Variants in EFCAB6 observed in about 807,000 individuals in gnomAD.
EFCAB6 encodes EF-hand calcium-binding domain-containing protein 6.
Under a neutral mutation model 169.8 loss-of-function variants are expected in EFCAB6, and 156 were observed. The observed-to-expected ratio is 0.92, with a 90% CI of 0.81 to 1.05. The LOEUF (loss-of-function observed/expected upper bound fraction) is 1.05. EFCAB6 is among the 50% of genes least tolerant of loss of function. The probability of loss-of-function intolerance (pLI) is 0.00; values close to 1 mark genes in which losing one functional copy is unlikely to be tolerated. For missense variants in EFCAB6, 1,800 were observed against 1,829.1 expected, an observed-to-expected ratio of 0.98 and a Z score of 0.29; for synonymous variants, 698 against 676.4, an observed-to-expected ratio of 1.03 and a Z score of -0.50.
chr22:43,800,101 G>A (rs1412671015), intron 2 of EFCAB6, among the ~76,000 whole-genome samples: 1 of 152,150 alleles, frequency 6.6e-6, no homozygotes, highest in African/African-American at 2.4e-5. Flanking sequence ...CTCAACAAAA[G>A]GAGACACCAA....
chr22:43,579,108 A>G (rs1210623436), intron 25 of EFCAB6, among the ~76,000 whole-genome samples: 5 of 149,754 alleles, frequency 3.3e-5, no homozygotes, highest in Admixed American at 3.3e-4. Context: ...GTCTACATGC[A>G]AGCATCATTC....
rs187625794 is a variant in EFCAB6 at position 43,751,582 on chromosome 22, G to A, written c.507+4184C>T. Among the ~76,000 whole-genome samples, 270 of 152,278 alleles carry A rather than the reference G, an allele frequency of 1.8e-3. 1 individual carries two copies. The highest frequency in any genetic ancestry group is 6.3e-3 in the African/African-American group (260 of 41,556). The stretch of plus-strand genomic sequence containing the variant: ...GACAGGGTGCATGAAAGACTGACGC[G>A]GTGGAGGAAGTGTGAAAGGCAGGAC... On this transcript the variant is annotated intron_variant, in intron 6 of 31. Transcript: ENST00000262726.
chr22:43,736,032 T>C (rs1444639941), intron 6 of EFCAB6, 39 bp from the exon 7 acceptor site: 4 of 1,568,222 alleles, frequency 2.6e-6, no homozygotes, highest in Non-Finnish European at 3.4e-6. Context: ...TCAAAAGATC[T>C]AGTGTTAGGA....
At chr22:43,716,377 T>C (rs1172974832) in intron 9 of EFCAB6, among the ~76,000 whole-genome samples, 1 of 152,220 alleles carries the variant, frequency 6.6e-6, no homozygotes, top group Non-Finnish European at 1.5e-5. Context: ...TGTCCATTGC[T>C]GCACCAATGC....
intron 17 of EFCAB6, among the ~76,000 whole-genome samples, chr22:43,639,571 G>A (rs1354792751): frequency 6.6e-6 from 1 of 152,074 alleles, no homozygotes; most frequent in Non-Finnish European, 1.5e-5. Context: ...TTCTCATGCT[G>A]CTTTTAAGAT....
intron 12 of EFCAB6, 61 bp downstream of exon 12, chr22:43,683,686 T>C: frequency 8.2e-7 from 1 of 1,217,380 alleles, no homozygotes; most frequent in Non-Finnish European, 1.2e-6. Flanking sequence ...GGTCTTGTTC[T>C]GAGTGTTTGC....
chr22:43,697,306 G>A (rs970621925), intron 10 of EFCAB6, among the ~76,000 whole-genome samples: 4 of 152,060 alleles, frequency 2.6e-5, no homozygotes, highest in Non-Finnish European at 5.9e-5. Flanking sequence ...AATTTCAAAG[G>A]TTTCTTTAAT....
At chr22:43,644,952 T>C (rs2056059503) in intron 17 of EFCAB6, among the ~76,000 whole-genome samples, 1 of 152,238 alleles carries the variant, frequency 6.6e-6, no homozygotes, top group Non-Finnish European at 1.5e-5. Flanking sequence ...AATTTCTACA[T>C]TCCCTCCCTT....
At chr22:43,731,631 C>G in intron 8 of EFCAB6, 68 bp downstream of exon 8, 2 of 899,606 alleles carry the variant, frequency 2.2e-6, no homozygotes, top group South Asian at 4.1e-5. Flanking sequence ...CAGGAATGAT[C>G]CAAAGAACAG....
chr22:43,730,870 C>A (rs936113724), intron 8 of EFCAB6, among the ~76,000 whole-genome samples: 4 of 152,116 alleles, frequency 2.6e-5, no homozygotes, highest in African/African-American at 9.7e-5. Context: ...CAGGCTAAAA[C>A]CTGAGAATCT....
At chr22:43,709,568 G>T (rs1009834997) in intron 10 of EFCAB6, among the ~76,000 whole-genome samples, 9 of 152,102 alleles carry the variant, frequency 5.9e-5, no homozygotes, top group African/African-American at 1.9e-4. Context: ...GATGCACTCT[G>T]ATTACAAATA....
At chr22:43,604,350 AC>A (rs1239817754) in intron 22 of EFCAB6, among the ~76,000 whole-genome samples, 1 of 152,044 alleles carries the variant, frequency 6.6e-6, no homozygotes, top group Non-Finnish European at 1.5e-5. Flanking sequence ...GCCAAATTCC[AC>A]CCATTACTCT....
chr22:43,568,178 A>C (rs1010875231), intron 26 of EFCAB6, among the ~76,000 whole-genome samples: 8 of 152,222 alleles, frequency 5.3e-5, no homozygotes, highest in South Asian at 2.1e-4. Flanking sequence ...AGAGCCAGGC[A>C]CACATTCTCA....
intron 2 of EFCAB6, among the ~76,000 whole-genome samples, chr22:43,784,527 G>C (rs1569487083): frequency 2.4e-5 from 3 of 125,734 alleles, no homozygotes; most frequent in Admixed American, 8.1e-5. Flanking sequence ...GTGTGTGTGT[G>C]TGTGTGTGTG....
At chr22:43,676,348 C>A (rs1468332387) in intron 13 of EFCAB6, among the ~76,000 whole-genome samples, 4 of 146,456 alleles carry the variant, frequency 2.7e-5, no homozygotes, top group African/African-American at 1.0e-4. Context: ...ACCCAGGAGG[C>A]AGGGAGGTTG....
intron 17 of EFCAB6, among the ~76,000 whole-genome samples, chr22:43,664,106 C>A (rs1005073555): frequency 6.6e-6 from 1 of 152,186 alleles, no homozygotes; most frequent in Non-Finnish European, 1.5e-5. Context: ...GAGACAGCAG[C>A]AGAGCAGCTG....
intron 10 of EFCAB6, among the ~76,000 whole-genome samples, chr22:43,692,226 C>T (rs2058436725): frequency 1.3e-5 from 2 of 152,126 alleles, no homozygotes; most frequent in Non-Finnish European, 2.9e-5. Context: ...ACAGAGTATG[C>T]AGTTTGAATC....
chr22:43,612,934 A>C (rs1016107122), intron 21 of EFCAB6, among the ~76,000 whole-genome samples: 11 of 144,946 alleles, frequency 7.6e-5, no homozygotes, highest in Non-Finnish European at 1.5e-4. Flanking sequence ...CAGATGCTGT[A>C]AAGTTGCAGA....
intron 6 of EFCAB6, among the ~76,000 whole-genome samples, chr22:43,739,755 T>C (rs558709422): frequency 9.2e-5 from 14 of 151,900 alleles, no homozygotes; most frequent in Non-Finnish European, 1.6e-4. Flanking sequence ...CCAGACCATT[T>C]CCACAATGCA....
Sources: gnomAD v4.1 joint callset for allele counts (sites outside exome capture counted in the v4.1 genomes callset) on GRCh38, gnomAD v4.1.1 for gene constraint, MANE v1.5 for transcripts, NCBI Gene and HGNC (gene_info 2026-07-23, HGNC 2026-07-21) for gene names.